IQSEC1: variants seen among roughly 807,000 people sequenced by gnomAD.
IQSEC1 encodes IQ motif and SEC7 domain-containing protein 1.
Under a neutral mutation model 91.0 loss-of-function variants are expected in IQSEC1, and 31 were observed. The observed-to-expected ratio is 0.34, with a 90% confidence interval of 0.26 to 0.46. IQSEC1 has a LOEUF of 0.46. Ranked by LOEUF, IQSEC1 falls within the 20% of genes least tolerant of loss-of-function variation. The pLI, the probability that IQSEC1 is intolerant of heterozygous loss-of-function variation, is 1.00. For missense variants in IQSEC1, 1,388 were observed against 1,575.6 expected (o/e 0.88, Z 2.02); for synonymous variants, 699 against 662.6 (o/e 1.05, Z -0.84).
intron 1 of IQSEC1, among the ~76,000 whole-genome samples, chr3:13,213,995 G>A (rs534561496): frequency 3.9e-5 from 6 of 152,090 alleles, no homozygotes; most frequent in South Asian, 4.2e-4. Context: ...TGGACCCATC[G>A]CTCTCCCCCG....
Position 13,230,861 on chromosome 3 carries a change from C to T in IQSEC1, c.272+51850G>A, listed in dbSNP as rs543190197. 1.8e-3 allele frequency among the ~76,000 whole-genome samples: 272 copies of T among 152,340 alleles called. 3 individuals carry two copies. In the Middle Eastern group the frequency reaches 0.02, roughly 11 times the overall value. ...TGTTCTGCTGTTACCCATTGGTCCT[C>T]TTCAACTGGGGCATGGACAAAATGA... On this transcript the variant is annotated intron_variant, in intron 1 of 15. Coordinates refer to the IQSEC1 transcript ENST00000648114.
At chr3:13,201,921 T>C (rs528219446) in intron 1 of IQSEC1, among the ~76,000 whole-genome samples, 49 of 152,384 alleles carry the variant, frequency 3.2e-4, no homozygotes, top group Non-Finnish European at 6.2e-4. Flanking sequence ...AAAATCCTGC[T>C]AGTTAGGACA....
At chr3:12,904,969 C>A (rs1310660205) in intron 12 of IQSEC1, among the ~76,000 whole-genome samples, 1 of 152,204 alleles carries the variant, frequency 6.6e-6, no homozygotes, top group Non-Finnish European at 1.5e-5. Flanking sequence ...GAGTGTCTTA[C>A]AATCTACTTT....
chr3:13,063,361 T>C (rs895241084), intron 1 of IQSEC1, among the ~76,000 whole-genome samples: 4 of 152,270 alleles, frequency 2.6e-5, no homozygotes, highest in African/African-American at 9.6e-5. Context: ...AGTTGACTGG[T>C]CCATTTTTGT....
At chr3:13,009,566 C>A (rs1001131536) in intron 1 of IQSEC1, among the ~76,000 whole-genome samples, 9 of 151,766 alleles carry the variant, frequency 5.9e-5, no homozygotes, top group Non-Finnish European at 1.2e-4. Context: ...AAGTATAACT[C>A]CAACTTCCAG....
intron 1 of IQSEC1, among the ~76,000 whole-genome samples, chr3:13,277,691 T>C (rs1439889205): frequency 6.6e-6 from 1 of 152,208 alleles, no homozygotes; most frequent in African/African-American, 2.4e-5. Flanking sequence ...ACGGGCTTTA[T>C]CTTGGCTGGG....
At chr3:13,107,833 C>G (rs1232385963) in intron 2 of IQSEC1, among the ~76,000 whole-genome samples, 1 of 152,192 alleles carries the variant, frequency 6.6e-6, no homozygotes. Flanking sequence ...TCAGGCCAGC[C>G]ATACATGTCC....
intron 1 of IQSEC1, among the ~76,000 whole-genome samples, chr3:12,980,455 T>G (rs1701396543): frequency 1.3e-5 from 2 of 152,230 alleles, no homozygotes; most frequent in Non-Finnish European, 2.9e-5. Context: ...AGACAATTGT[T>G]TCTCTAGCAA....
chr3:13,234,350 G>A (rs948663405), intron 1 of IQSEC1, among the ~76,000 whole-genome samples: 1 of 133,426 alleles, frequency 7.5e-6, no homozygotes, highest in African/African-American at 2.6e-5. Context: ...GTCTGTGTGT[G>A]CCTATGGGTG....
chr3:13,202,209 T>C (rs1229345575), intron 1 of IQSEC1, among the ~76,000 whole-genome samples: 1 of 152,196 alleles, frequency 6.6e-6, no homozygotes, highest in African/African-American at 2.4e-5. Flanking sequence ...GTGATGGTAA[T>C]GAAAAATGGT....
chr3:12,923,504 C>T (rs1696820661), intron 4 of IQSEC1, among the ~76,000 whole-genome samples: 1 of 152,216 alleles, frequency 6.6e-6, no homozygotes, highest in East Asian at 1.9e-4. Context: ...CACAGATATT[C>T]TGCTGGTGCC....
At chr3:12,988,224 G>C (rs1322216550) in intron 1 of IQSEC1, among the ~76,000 whole-genome samples, 1 of 152,152 alleles carries the variant, frequency 6.6e-6, no homozygotes, top group Non-Finnish European at 1.5e-5. Context: ...GACTAGCTTG[G>C]CTAACATGGC....
chr3:12,986,065 C>T (rs989003113), intron 1 of IQSEC1, among the ~76,000 whole-genome samples: 7 of 152,162 alleles, frequency 4.6e-5, no homozygotes, highest in Non-Finnish European at 8.8e-5. Context: ...TCAGCCTGAG[C>T]GACCTGAGGA....
chr3:13,145,480 A>C (rs989324167), intron 2 of IQSEC1, among the ~76,000 whole-genome samples: 18 of 152,180 alleles, frequency 1.2e-4, no homozygotes, highest in African/African-American at 4.3e-4. Context: ...TTTTCAGAAA[A>C]GACAATCCCT....
upstream of IQSEC1, among the ~76,000 whole-genome samples, chr3:13,077,063 A>C (rs2125123356): frequency 6.7e-6 from 1 of 148,752 alleles, no homozygotes; most frequent in East Asian, 2.0e-4. Flanking sequence ...AGGTCTCACT[A>C]TGCTGCCCAG....
intron 2 of IQSEC1, among the ~76,000 whole-genome samples, chr3:13,100,568 A>G (rs1303441433): frequency 6.7e-6 from 1 of 148,426 alleles, no homozygotes; most frequent in Non-Finnish European, 1.5e-5. Flanking sequence ...CGCCCAGGCA[A>G]CTACAAGGTC....
At chr3:13,229,664 C>T (rs574627396) in intron 1 of IQSEC1, among the ~76,000 whole-genome samples, 5 of 152,334 alleles carry the variant, frequency 3.3e-5, no homozygotes, top group African/African-American at 1.2e-4. Context: ...ATTCATTCTT[C>T]GTTCTTCCCC....
intron 2 of IQSEC1, among the ~76,000 whole-genome samples, chr3:13,162,612 C>T (rs189063935): frequency 4.0e-4 from 61 of 152,328 alleles, no homozygotes; most frequent in Middle Eastern, 3.4e-3. Flanking sequence ...TTCCTTCCTG[C>T]TTCTTTTTGC....
chr3:12,936,289 C>A lies in IQSEC1; in HGVS notation c.727G>T (p.Ala243Ser), dbSNP rs748994453. 1 of 1,613,288 alleles carries A rather than the reference C, an allele frequency of 6.2e-7. No homozygotes were observed. Among genetic ancestry groups the A allele is most frequent in the South Asian group, 1.1e-5 (1 of 91,040 alleles). ...GTGTGCAGGCTGCGGCAGTTGAGGG[C>A]ATCGTCGATGGACTCGGCCAGTGAT... The part of the protein sequence containing the change: ...VKSLAESIDD[A>S]LNCRSLHTEE... Residue 243 changes from alanine to serine, a missense_variant, in exon 3 of 14, where the codon GCC becomes TCC. By Grantham distance (99) the Ala-to-Ser change is moderately conservative. Transcript: ENST00000613206.
Sources: gnomAD v4.1 joint callset for allele counts (sites outside exome capture counted in the v4.1 genomes callset) on GRCh38, gnomAD v4.1.1 for gene constraint, MANE v1.5 for transcripts, NCBI Gene and HGNC (gene_info 2026-07-23, HGNC 2026-07-21) for gene names.